Variants in GRIP1 observed in about 807,000 individuals in gnomAD.
GRIP1 encodes glutamate receptor-interacting protein 1.
Under a neutral mutation model 129.9 loss-of-function variants are expected in GRIP1, and 45 were observed. That is an observed-to-expected ratio of 0.35 (90% CI 0.27 to 0.44). The LOEUF (loss-of-function observed/expected upper bound fraction) is 0.44, where lower values mean the gene tolerates loss of function less well. Ranked by LOEUF, GRIP1 falls within the 20% of genes least tolerant of loss-of-function variation. The pLI is 1.00. For missense variants in GRIP1, 1,196 were observed against 1,396.8 expected, an observed-to-expected ratio of 0.86 and a Z score of 2.29; for synonymous variants, 530 against 520.8, an observed-to-expected ratio of 1.02 and a Z score of -0.24.
chr12:66,443,428 A>G (rs4913521), intron 13 of GRIP1, among the ~76,000 whole-genome samples: 2 of 147,428 alleles, frequency 1.4e-5, no homozygotes, highest in Non-Finnish European at 3.0e-5. Flanking sequence ...CTACCGCAAT[A>G]TTTTTTTTTT....
intron 2 of GRIP1, among the ~76,000 whole-genome samples, chr12:66,544,584 G>A (rs2061889148): frequency 6.6e-6 from 1 of 152,194 alleles, no homozygotes; most frequent in African/African-American, 2.4e-5. Context: ...GCTGAGCAGA[G>A]CAGACCAAAG....
At chr12:67,050,561 C>A (rs764605742) in intron 1 of GRIP1, among the ~76,000 whole-genome samples, 1 of 152,142 alleles carries the variant, frequency 6.6e-6, no homozygotes, top group Non-Finnish European at 1.5e-5. Flanking sequence ...AATAACACTA[C>A]AGAACGGCAG....
At chr12:66,659,818 C>T (rs976865235) in intron 1 of GRIP1, among the ~76,000 whole-genome samples, 1 of 152,112 alleles carries the variant, frequency 6.6e-6, no homozygotes, top group Admixed American at 6.5e-5. Context: ...TGTTGCCATG[C>T]AATTCTCTTG....
intron 14 of GRIP1, among the ~76,000 whole-genome samples, chr12:66,422,835 T>C (rs1007002117): frequency 1.3e-5 from 2 of 152,196 alleles, no homozygotes; most frequent in Non-Finnish European, 2.9e-5. Context: ...TGGATGCCCA[T>C]TGGGATGATG....
chr12:66,767,411 T>C (rs1173859626), intron 1 of GRIP1, among the ~76,000 whole-genome samples: 1 of 152,050 alleles, frequency 6.6e-6, no homozygotes, highest in African/African-American at 2.4e-5. Flanking sequence ...TTATTACCAA[T>C]ACCCTCTTTG....
At chr12:66,968,896 A>G (rs899641456) in intron 1 of GRIP1, among the ~76,000 whole-genome samples, 4 of 152,140 alleles carry the variant, frequency 2.6e-5, no homozygotes, top group Non-Finnish European at 2.9e-5. Flanking sequence ...TTTTATAAAG[A>G]ATAGGTATGC....
chr12:66,476,089 T>C lies in GRIP1; in HGVS notation c.725-10667A>G, dbSNP rs144671729. ...ATCAATGAATCCAGGATCTGGTTTT[T>C]TGAAAAGATCAACAAAACTGATAGA... On this transcript the variant is annotated intron_variant, in intron 7 of 24. Transcript: ENST00000359742. Among the ~76,000 whole-genome samples the C allele has an allele frequency of 6.2e-3, 944 of 152,242 alleles. 5 individuals carry two copies. Among genetic ancestry groups the C allele is most frequent in the Non-Finnish European group, 9.3e-3 (630 of 68,006 alleles).
intron 1 of GRIP1, among the ~76,000 whole-genome samples, chr12:66,710,650 T>G (rs1462550281): frequency 3.3e-5 from 5 of 151,882 alleles, no homozygotes; most frequent in Admixed American, 6.6e-5. Context: ...AAAGAAGAAA[T>G]TCAACTCCCC....
rs187947839 is a variant in GRIP1 at position 66,643,526 on chromosome 12, T to G, written c.55+35324A>C. Among the ~76,000 whole-genome samples the G allele has an allele frequency of 4.6e-5, 7 of 152,236 alleles. No homozygotes were observed. The East Asian group carries it at 1.2e-3, about 25-fold the overall frequency. On this transcript the variant is annotated intron_variant, in intron 1 of 24. Coordinates refer to ENST00000359742, the MANE Select transcript of GRIP1 (RefSeq NM_001366722.1). ...ATATTTGCCTAGAAAAAAGGGAAATTTATATAGAATTATTAATAGTAGTTT... is the reference window on the plus strand; with the variant it reads ...ATATTTGCCTAGAAAAAAGGGAAATGTATATAGAATTATTAATAGTAGTTT...
At chr12:66,681,734 A>G (rs941731137), upstream of GRIP1, among the ~76,000 whole-genome samples, 6 of 152,184 alleles carry the variant, frequency 3.9e-5, no homozygotes, top group Non-Finnish European at 7.4e-5. Flanking sequence ...TCTGAAGAAG[A>G]GTGAGTGAGC....
chr12:66,911,731 T>G (rs890267971), intron 1 of GRIP1, among the ~76,000 whole-genome samples: 2 of 152,084 alleles, frequency 1.3e-5, no homozygotes, highest in African/African-American at 4.8e-5. Flanking sequence ...TTAATGAAAA[T>G]ATAGAGGGTG....
intron 1 of GRIP1, among the ~76,000 whole-genome samples, chr12:66,625,872 A>T (rs1036016113): frequency 5.3e-5 from 8 of 152,164 alleles, no homozygotes; most frequent in African/African-American, 1.9e-4. Context: ...TTTATTTTAT[A>T]CCTACTAAGA....
intron 1 of GRIP1, among the ~76,000 whole-genome samples, chr12:66,709,778 A>G (rs1216427231): frequency 6.6e-6 from 1 of 152,050 alleles, no homozygotes; most frequent in Non-Finnish European, 1.5e-5. Context: ...GCACAAGTGC[A>G]GGAGCAAAAG....
intron 1 of GRIP1, among the ~76,000 whole-genome samples, chr12:66,618,040 C>A (rs2065119410): frequency 6.6e-6 from 1 of 151,998 alleles, no homozygotes; most frequent in Admixed American, 6.6e-5. Flanking sequence ...ATATGTCTTC[C>A]CATGTACATA....
At position 66,548,337 on chromosome 12, in the gene GRIP1, C is replaced by T. The variant is rs1019144620; in HGVS notation, c.137-6387G>A. Among the ~76,000 whole-genome samples, 3 of 152,162 alleles carry T rather than the reference C, an allele frequency of 2.0e-5. No individual in the cohort carries two copies. In the South Asian group the frequency reaches 6.2e-4, roughly 31 times the overall value. On this transcript the variant is annotated intron_variant, in intron 2 of 24. Coordinates refer to ENST00000359742, the MANE Select transcript of GRIP1 (RefSeq NM_001366722.1). ...GACTGAGAAAGTTTAGAAACTTCTGCCCTAGGACTTTATCTTGTTTTCATT... is the reference window on the plus strand; with the variant it reads ...GACTGAGAAAGTTTAGAAACTTCTGTCCTAGGACTTTATCTTGTTTTCATT...
intron 1 of GRIP1, among the ~76,000 whole-genome samples, chr12:67,043,032 A>C (rs2043202423): frequency 6.6e-6 from 1 of 152,130 alleles, no homozygotes; most frequent in Admixed American, 6.6e-5. Context: ...CCTGGCTCTA[A>C]ATGGCCTGGA....
At chr12:66,423,267 A>G (rs1394295900) in intron 14 of GRIP1, among the ~76,000 whole-genome samples, 1 of 152,238 alleles carries the variant, frequency 6.6e-6, no homozygotes, top group African/African-American at 2.4e-5. Flanking sequence ...CATGAATAAC[A>G]GTGCTTACCA....
intron 1 of GRIP1, among the ~76,000 whole-genome samples, chr12:66,801,332 T>A (rs181799498): frequency 2.2e-4 from 34 of 152,124 alleles, no homozygotes; most frequent in African/African-American, 7.7e-4. Flanking sequence ...CTCATGTACA[T>A]TGACATACAT....
At chr12:66,808,333 G>A (rs766985306), upstream of GRIP1, among the ~76,000 whole-genome samples, 2 of 151,886 alleles carry the variant, frequency 1.3e-5, no homozygotes, top group African/African-American at 4.8e-5. Flanking sequence ...ACTCTAGCTC[G>A]GTCACCCAGG....
Sources: allele counts gnomAD v4.1 joint callset (sites outside exome capture counted in the v4.1 genomes callset), GRCh38; gene constraint gnomAD v4.1.1; transcripts MANE v1.5; gene names NCBI Gene and HGNC (gene_info 2026-07-23, HGNC 2026-07-21).